Variants in MGMT observed in about 807,000 individuals in gnomAD.
The protein encoded by MGMT is methylated-DNA--protein-cysteine methyltransferase.
A neutral mutation model predicts 15.9 loss-of-function variants in MGMT; 14 were observed. The observed-to-expected ratio is 0.88, with a 90% CI of 0.58 to 1.37. The LOEUF (loss-of-function observed/expected upper bound fraction) is 1.37, where lower values mean the gene tolerates loss of function less well. MGMT is among the 40% of genes most tolerant of loss of function. MGMT has a pLI of 0.00. For synonymous variants in MGMT, 130 were observed against 118.2 expected (o/e 1.10, Z -0.65); for missense variants, 282 against 268.1 (o/e 1.05, Z -0.36).
intron 2 of MGMT, among the ~76,000 whole-genome samples, chr10:129,558,597 C>G (rs755701960): frequency 6.6e-6 from 1 of 152,134 alleles, no homozygotes; most frequent in Non-Finnish European, 1.5e-5. Flanking sequence ...AAATGGAAGG[C>G]TAGCTTCCTC....
chr10:129,546,186 G>T (rs966486143), intron 2 of MGMT, among the ~76,000 whole-genome samples: 22 of 152,252 alleles, frequency 1.4e-4, no homozygotes, highest in Admixed American at 1.4e-3. Flanking sequence ...ATGGGGTGGG[G>T]AGGGGCCAGA....
chr10:129,679,156 C>T (rs1420609245), intron 2 of MGMT, among the ~76,000 whole-genome samples: 1 of 151,890 alleles, frequency 6.6e-6, no homozygotes, highest in African/African-American at 2.4e-5. Context: ...TAAGCTCTTA[C>T]AAGCAAGCAG....
intron 1 of MGMT, among the ~76,000 whole-genome samples, chr10:129,530,750 G>T (rs1353581756): frequency 6.6e-6 from 1 of 152,226 alleles, no homozygotes; most frequent in East Asian, 1.9e-4. Context: ...CGGCCTCAGG[G>T]CCCGAGGGTG....
chr10:129,628,501 C>T (rs925085351), intron 2 of MGMT, among the ~76,000 whole-genome samples: 1 of 152,144 alleles, frequency 6.6e-6, no homozygotes, highest in Non-Finnish European at 1.5e-5. Flanking sequence ...CCTGTGTCTG[C>T]CCTGGCATTG....
chr10:129,503,559 G>T (rs1845596306), intron 1 of MGMT, among the ~76,000 whole-genome samples: 1 of 152,190 alleles, frequency 6.6e-6, no homozygotes, highest in Non-Finnish European at 1.5e-5. Flanking sequence ...GCTTTAATGT[G>T]ATACTCTTTG....
intron 2 of MGMT, among the ~76,000 whole-genome samples, chr10:129,680,530 A>T (rs904865076): frequency 7.2e-6 from 1 of 138,754 alleles, no homozygotes; most frequent in Non-Finnish European, 1.7e-5. Flanking sequence ...TCTCCCCCGG[A>T]TCTGAAACAC....
At chr10:129,593,496 A>C (rs984094134) in intron 2 of MGMT, among the ~76,000 whole-genome samples, 8 of 152,094 alleles carry the variant, frequency 5.3e-5, no homozygotes, top group African/African-American at 1.9e-4. Flanking sequence ...CTGGCTTCTT[A>C]TTTTTCTTTG....
At chr10:129,544,302 G>A (rs944576091) in intron 2 of MGMT, among the ~76,000 whole-genome samples, 2 of 152,218 alleles carry the variant, frequency 1.3e-5, no homozygotes, top group South Asian at 2.1e-4. Flanking sequence ...GGATAGGCAC[G>A]TTGCCGCCAC....
chr10:129,686,720 C>T (rs1387597672), intron 2 of MGMT, among the ~76,000 whole-genome samples: 1 of 152,114 alleles, frequency 6.6e-6, no homozygotes, highest in Admixed American at 6.5e-5. Context: ...CTGTCCTGGA[C>T]GGTATTTCCT....
intron 3 of MGMT, among the ~76,000 whole-genome samples, chr10:129,752,701 G>A (rs183393598): frequency 4.2e-4 from 64 of 152,032 alleles, no homozygotes; most frequent in African/African-American, 1.5e-3. Context: ...TTTTTAAGTG[G>A]AATATAGAAA....
At chr10:129,731,100 G>A (rs576620395) in intron 3 of MGMT, among the ~76,000 whole-genome samples, 1 of 152,278 alleles carries the variant, frequency 6.6e-6, no homozygotes, top group South Asian at 2.1e-4. Flanking sequence ...CCGAGGGCTG[G>A]TAGCATAATC....
At chr10:129,705,027 G>A (rs551538022) in intron 2 of MGMT, among the ~76,000 whole-genome samples, 1 of 152,272 alleles carries the variant, frequency 6.6e-6, no homozygotes, top group African/African-American at 2.4e-5. Context: ...GGCAAGCACC[G>A]CTCCACACGA....
intron 1 of MGMT, among the ~76,000 whole-genome samples, chr10:129,476,358 G>A (rs1252735923): frequency 6.6e-6 from 1 of 152,178 alleles, no homozygotes; most frequent in Admixed American, 6.5e-5. Context: ...TGGGTGTGAG[G>A]ATCTTTTGCT....
chr10:129,477,509 A>AT (rs1191086020), intron 1 of MGMT, among the ~76,000 whole-genome samples: 2 of 152,222 alleles, frequency 1.3e-5, no homozygotes, highest in Non-Finnish European at 2.9e-5. Flanking sequence ...TAACTGAGTC[A>AT]TAAGAGTGGG....
At chr10:129,632,861 T>C (rs1847226731) in intron 2 of MGMT, among the ~76,000 whole-genome samples, 1 of 151,872 alleles carries the variant, frequency 6.6e-6, no homozygotes, top group Non-Finnish European at 1.5e-5. Context: ...AATACTTAGA[T>C]ACGACGGAAT....
At chr10:129,605,449 G>T (rs1846877716) in intron 2 of MGMT, among the ~76,000 whole-genome samples, 1 of 151,910 alleles carries the variant, frequency 6.6e-6, no homozygotes, top group Non-Finnish European at 1.5e-5. Flanking sequence ...TGACTTCCGT[G>T]TGCTCCCTAG....
rs917800974 is a variant in MGMT at position 129,476,251 on chromosome 10, A to G, written c.-13+8955A>G. Among the ~76,000 whole-genome samples, 25 of 152,292 alleles carry G rather than the reference A, an allele frequency of 1.6e-4. No individual in the cohort carries two copies. The East Asian group carries it at 2.3e-3, about 14-fold the overall frequency. Reference sequence around the variant, plus strand: ...CTGGGTCACTTCCCTTTAGCTGGACATGGCCCCCGCTGTCCTTGTCACATT... The same window carrying G: ...CTGGGTCACTTCCCTTTAGCTGGACGTGGCCCCCGCTGTCCTTGTCACATT... On this transcript the variant is annotated intron_variant, in intron 1 of 4. Transcript: ENST00000651593.
At chr10:129,737,773 T>G (rs1420951110) in intron 3 of MGMT, among the ~76,000 whole-genome samples, 22 of 152,312 alleles carry the variant, frequency 1.4e-4, no homozygotes, top group Admixed American at 5.2e-4. Flanking sequence ...CCTTCTAACA[T>G]ACAGGACCCT....
intron 2 of MGMT, among the ~76,000 whole-genome samples, chr10:129,687,638 A>T (rs576769175): frequency 6.6e-6 from 1 of 151,336 alleles, no homozygotes; most frequent in Admixed American, 6.6e-5. Context: ...CTTACTGTGC[A>T]TGTGTCAGGG....
Sources: gnomAD v4.1 joint callset for allele counts (sites outside exome capture counted in the v4.1 genomes callset) on GRCh38, gnomAD v4.1.1 for gene constraint, MANE v1.5 for transcripts, NCBI Gene and HGNC (gene_info 2026-07-23, HGNC 2026-07-21) for gene names.